Variants in INSC observed in about 807,000 individuals in gnomAD.
INSC encodes protein inscuteable homolog.
INSC carries 67 observed loss-of-function variants against 58.6 expected under a neutral mutation model. The observed-to-expected ratio is 1.14, with a 90% CI of 0.94 to 1.40. The LOEUF (loss-of-function observed/expected upper bound fraction) is 1.40. Ranked by LOEUF, INSC falls within the 40% of genes most tolerant of loss-of-function variation. INSC has a pLI of 0.00. For synonymous variants in INSC, 262 were observed against 276.1 expected, an observed-to-expected ratio of 0.95 and a Z score of 0.51; for missense variants, 714 against 692.0, an observed-to-expected ratio of 1.03 and a Z score of -0.36.
chr11:15,217,276 G>A lies in INSC; in HGVS notation c.820-4201G>A, dbSNP rs139198204. 4.4e-3 allele frequency among the ~76,000 whole-genome samples: 677 copies of A among 152,222 alleles called. 4 individuals are homozygous for A. The highest frequency in any genetic ancestry group is 0.024 in the Middle Eastern group (7 of 294). On this transcript the variant is annotated intron_variant, in intron 7 of 12. Transcript: ENST00000379556. Reference sequence around the variant, plus strand: ...CCCTTATAAAATCATCAGATCTCACGAGAAATCACTCACTATCACAAGAAC... The same window carrying A: ...CCCTTATAAAATCATCAGATCTCACAAGAAATCACTCACTATCACAAGAAC...
At chr11:15,252,553 T>C in the INSC span, among the ~76,000 whole-genome samples, 1 of 152,182 alleles carries the variant, frequency 6.6e-6, no homozygotes, top group East Asian at 1.9e-4. Context: ...CGCAGGCTGC[T>C]TCAGCGTCCT....
At chr11:15,176,228 G>A in intron 3 of INSC, 142 bp downstream of exon 3, 1 of 707,102 alleles carries the variant, frequency 1.4e-6, no homozygotes, top group South Asian at 2.3e-5. Flanking sequence ...AAGAAAGAGA[G>A]TGGAATCTTT....
intron 1 of INSC, among the ~76,000 whole-genome samples, chr11:15,116,425 C>T (rs1005412309): frequency 2.0e-5 from 3 of 152,150 alleles, no homozygotes; most frequent in African/African-American, 4.8e-5. Flanking sequence ...GGAGGGATGG[C>T]ATTTGCTCTG....
chr11:15,185,991 T>C (rs1468201913), intron 5 of INSC, among the ~76,000 whole-genome samples: 2 of 143,524 alleles, frequency 1.4e-5, no homozygotes, highest in East Asian at 4.0e-4. Flanking sequence ...TTCTGTATTA[T>C]GAGGTCTATT....
At position 15,233,084 on chromosome 11, in the gene INSC, CA is replaced by C. The variant is rs529303218; in HGVS notation, c.1171-2514del. Among the ~76,000 whole-genome samples, 821 of 152,276 alleles carry C rather than the reference CA, an allele frequency of 5.4e-3. 2 individuals carry two copies. The highest frequency in any genetic ancestry group is 0.019 in the African/African-American group (788 of 41,560). ...TTAGGTAACATGGCCAAGATCATAG[CA>C]AAATGTGATAGAGCCAGGATTTAGA... On this transcript the variant is annotated intron_variant, in intron 9 of 12. Coordinates refer to ENST00000379556, the MANE Select transcript of INSC (RefSeq NM_001042536.3).
intron 1 of INSC, among the ~76,000 whole-genome samples, chr11:15,119,913 A>G (rs1352397695): frequency 1.3e-5 from 2 of 152,224 alleles, no homozygotes; most frequent in Admixed American, 6.5e-5. Context: ...TTTGAAATTC[A>G]GTGTCTGGCA....
At chr11:15,189,640 A>T (rs1850093801) in intron 5 of INSC, among the ~76,000 whole-genome samples, 1 of 152,238 alleles carries the variant, frequency 6.6e-6, no homozygotes, top group African/African-American at 2.4e-5. Flanking sequence ...TTTAATTAAA[A>T]CTAAATTTCA....
chr11:15,175,802 G>T lies in INSC; in HGVS notation c.118G>T (p.Glu40Ter). 6.2e-7 allele frequency: 1 copy of T among 1,603,932 alleles called. No homozygotes were observed. Among genetic ancestry groups the T allele is most frequent in the Non-Finnish European group, 8.5e-7 (1 of 1,172,066 alleles). The change falls in exon 3 of 13, where the codon GAG becomes TAG. Residue 40 changes from glutamate to a stop codon, truncating the protein, a stop_gained. Transcript: ENST00000379556. LOFTEE classifies it high-confidence loss of function. The stretch of plus-strand genomic sequence containing the variant: ...GATGGAAGATCTGAAGCTCATGACC[G>T]AGTGCGAGTGCATGTGTGTCCTGCA... Reference protein sequence around the residue: ...RWMEDLKLMTECECMCVLQAK... With the variant: ...RWMEDLKLMT
At chr11:15,133,626 G>T (rs1189737047) in intron 1 of INSC, among the ~76,000 whole-genome samples, 1 of 152,094 alleles carries the variant, frequency 6.6e-6, no homozygotes, top group African/African-American at 2.4e-5. Context: ...AAGTTCCTAG[G>T]CTTTATCACA....
chr11:15,190,821 T>G lies in INSC; in HGVS notation c.693+7T>G, dbSNP rs770701628. On this transcript the variant is annotated splice_region_variant and intron_variant, in intron 6 of 12. Transcript: ENST00000379556. ...GTGCCGCATCATAGCCAAGGTGAGC[T>G]TCATGGTTAGGGACCAAAATGGCAG... 1 of 1,602,486 alleles carries G rather than the reference T, an allele frequency of 6.2e-7. No homozygotes were observed. Among genetic ancestry groups the G allele is most frequent in the African/African-American group, 1.3e-5 (1 of 74,654 alleles).
At chr11:15,258,346 T>C in the INSC span, among the ~76,000 whole-genome samples, 2 of 152,310 alleles carry the variant, frequency 1.3e-5, no homozygotes, top group Admixed American at 1.3e-4. Context: ...AGACCAGTTA[T>C]GCAGAAGAAA....
chr11:15,194,201 T>G (rs1344241882), intron 6 of INSC, among the ~76,000 whole-genome samples: 2 of 152,244 alleles, frequency 1.3e-5, no homozygotes, highest in African/African-American at 4.8e-5. Context: ...CTTTTGTTTC[T>G]TGTTTTTAGT....
intron 2 of INSC, among the ~76,000 whole-genome samples, chr11:15,170,639 TAA>T (rs1391376643): frequency 3.3e-5 from 5 of 152,236 alleles, no homozygotes; most frequent in African/African-American, 1.2e-4. Context: ...TTCTCCACTG[TAA>T]AGTTTCTTTA....
chr11:15,117,287 C>G (rs1847754695), intron 1 of INSC, among the ~76,000 whole-genome samples: 1 of 152,014 alleles, frequency 6.6e-6, no homozygotes, highest in African/African-American at 2.4e-5. Flanking sequence ...TAAGGGGTGA[C>G]TAAGCTCTCA....
At chr11:15,249,185 G>C (rs1852624121), downstream of INSC, among the ~76,000 whole-genome samples, 1 of 152,200 alleles carries the variant, frequency 6.6e-6, no homozygotes, top group South Asian at 2.1e-4. Context: ...AGCCTCTTTA[G>C]AAGAGAGCAG....
At chr11:15,117,306 C>T (rs1294059545) in intron 1 of INSC, among the ~76,000 whole-genome samples, 3 of 151,852 alleles carry the variant, frequency 2.0e-5, no homozygotes, top group Admixed American at 1.3e-4. Context: ...CACCCACCAA[C>T]TCCTCTAATA....
intron 8 of INSC, 39 bp from the exon 9 acceptor site, chr11:15,225,611 C>A: frequency 6.3e-7 from 1 of 1,589,330 alleles, no homozygotes; most frequent in Non-Finnish European, 8.6e-7. Context: ...TATGAAAACA[C>A]TTGGCACGGA....
At chr11:15,183,067 G>T (rs544364743) in intron 5 of INSC, among the ~76,000 whole-genome samples, 1 of 152,100 alleles carries the variant, frequency 6.6e-6, no homozygotes, top group East Asian at 1.9e-4. Context: ...GTGTATTTTG[G>T]CTGGGTGTGG....
At chr11:15,146,696 C>T (rs1848501388) in intron 1 of INSC, among the ~76,000 whole-genome samples, 1 of 152,236 alleles carries the variant, frequency 6.6e-6, no homozygotes, top group Non-Finnish European at 1.5e-5. Flanking sequence ...TTCTAGCTGG[C>T]TTCTTGTGCT....
Sources: allele counts gnomAD v4.1 joint callset (sites outside exome capture counted in the v4.1 genomes callset), GRCh38; gene constraint gnomAD v4.1.1; transcripts MANE v1.5; gene names NCBI Gene and HGNC (gene_info 2026-07-23, HGNC 2026-07-21).